The following LRRC75A variants were observed in gnomAD, a reference collection of about 807,000 sequenced individuals.
The protein encoded by LRRC75A is leucine-rich repeat-containing protein 75A.
Under a neutral mutation model 26.0 loss-of-function variants are expected in LRRC75A, and 12 were observed. The ratio of observed to expected loss-of-function variants is 0.46; its 90% CI spans 0.30 to 0.75. The LOEUF is 0.75. Among genes scored for constraint, LRRC75A ranks in the 30% least tolerant of loss-of-function variants. LRRC75A has a pLI of 0.08. For missense variants in LRRC75A, 410 were observed against 486.6 expected, an observed-to-expected ratio of 0.84 and a Z score of 1.48; for synonymous variants, 223 against 219.3, an observed-to-expected ratio of 1.02 and a Z score of -0.15.
intron 1 of LRRC75A, among the ~76,000 whole-genome samples, chr17:16,473,925 G>A (rs1199380913): frequency 6.6e-6 from 1 of 152,194 alleles, no homozygotes; most frequent in Admixed American, 6.5e-5. Context: ...TGTGTTGTTT[G>A]TGTTTTAACT....
At chr17:16,458,761 G>A (rs533072108) in intron 2 of LRRC75A, among the ~76,000 whole-genome samples, 4 of 152,086 alleles carry the variant, frequency 2.6e-5, no homozygotes, top group South Asian at 4.2e-4. Context: ...GTGAGCCACC[G>A]AGACTGGCAG....
At chr17:16,487,979 G>T (rs1452923796) in intron 1 of LRRC75A, among the ~76,000 whole-genome samples, 2 of 152,226 alleles carry the variant, frequency 1.3e-5, no homozygotes, top group African/African-American at 4.8e-5. Flanking sequence ...GAAGACAGGG[G>T]CTACCTCAGC....
chr17:16,453,023 G>A (rs1474754004), intron 2 of LRRC75A, among the ~76,000 whole-genome samples: 1 of 152,136 alleles, frequency 6.6e-6, no homozygotes, highest in Non-Finnish European at 1.5e-5. Context: ...GGGCGCGGTA[G>A]TTCACGCCTG....
rs376531285 is a variant in LRRC75A, at chr17:16,458,496, G to A, written c.375+3762C>T. On this transcript the variant is annotated intron_variant, in intron 2 of 3. Transcript: ENST00000470794. ...CTTTTTTTTTTTGAGACGGAGTTTC[G>A]CTCTTGTTGCCCAGGCTGGAGTGCA... Among the ~76,000 whole-genome samples, 66 of 150,318 alleles carry A rather than the reference G, an allele frequency of 4.4e-4. 1 individual carries two copies. The highest frequency in any genetic ancestry group is 4.1e-3 in the Admixed American group (62 of 15,072).
At chr17:16,481,989 G>A (rs2093835193) in intron 1 of LRRC75A, among the ~76,000 whole-genome samples, 1 of 152,154 alleles carries the variant, frequency 6.6e-6, no homozygotes. Flanking sequence ...GTACTGCCAG[G>A]TGCGCGGTGT....
In LRRC75A at chr17:16,448,698, T is replaced by G. The variant is rs144126988; in HGVS notation, c.376-738A>C. 7.2e-4 allele frequency among the ~76,000 whole-genome samples: 109 copies of G among 152,292 alleles called. 1 individual carries two copies. The highest frequency in any genetic ancestry group is 1.3e-3 in the Non-Finnish European group (86 of 68,022). ...AAAATGAGGTCAGAGGAGTAGGCCC[T>G]AATCCTGTATGACTGGTGTCCTAAG... On this transcript the variant is annotated intron_variant, in intron 2 of 3. Coordinates refer to ENST00000470794, the MANE Select transcript of LRRC75A (RefSeq NM_001113567.3).
chr17:16,452,272 T>C (rs2143015249), intron 2 of LRRC75A, among the ~76,000 whole-genome samples: 1 of 150,490 alleles, frequency 6.6e-6, no homozygotes, highest in Non-Finnish European at 1.5e-5. Flanking sequence ...TAGGAGGCTC[T>C]TGAGCCCCGA....
intron 1 of LRRC75A, among the ~76,000 whole-genome samples, chr17:16,479,568 G>T (rs532128923): frequency 6.6e-6 from 1 of 152,162 alleles, no homozygotes; most frequent in Non-Finnish European, 1.5e-5. Context: ...CTATGGGCTA[G>T]AAGCCACATT....
chr17:16,469,839 C>G (rs1415448427), intron 1 of LRRC75A, among the ~76,000 whole-genome samples: 2 of 152,340 alleles, frequency 1.3e-5, no homozygotes, highest in Admixed American at 6.5e-5. Flanking sequence ...CCGATGCAGA[C>G]AGAGGCATGG....
intron 1 of LRRC75A, among the ~76,000 whole-genome samples, chr17:16,464,437 C>A (rs1002876820): frequency 1.3e-5 from 2 of 152,212 alleles, no homozygotes; most frequent in Non-Finnish European, 2.9e-5. Flanking sequence ...CAATGCTAAG[C>A]CTCAGTTTCC....
chr17:16,450,663 T>G (rs1001126785), intron 2 of LRRC75A, among the ~76,000 whole-genome samples: 3 of 152,188 alleles, frequency 2.0e-5, no homozygotes, highest in Non-Finnish European at 2.9e-5. Context: ...CCTGGCCACA[T>G]GACTGTGTGG....
At chr17:16,465,681 T>C (rs573327716) in intron 1 of LRRC75A, among the ~76,000 whole-genome samples, 9 of 152,300 alleles carry the variant, frequency 5.9e-5, no homozygotes, top group African/African-American at 2.2e-4. Context: ...AAATCCCAGT[T>C]GCCAACCCAG....
At chr17:16,464,460 C>T (rs533916682) in intron 1 of LRRC75A, among the ~76,000 whole-genome samples, 15 of 152,306 alleles carry the variant, frequency 9.8e-5, no homozygotes, top group South Asian at 4.1e-4. Flanking sequence ...ATCTGTAAAA[C>T]GGGGACAGTG....
chr17:16,485,044 G>A (rs563850733), intron 1 of LRRC75A, among the ~76,000 whole-genome samples: 1 of 151,884 alleles, frequency 6.6e-6, no homozygotes, highest in Admixed American at 6.5e-5. Flanking sequence ...GTAGGGAGGA[G>A]AGCAGGCACC....
chr17:16,443,576 T>G lies in LRRC75A; in HGVS notation c.*12A>C. ...CAACAAGGACTCCCTGGTGAGGCCC[T>G]TCACTTCCATGTCACGTCTGAGCTG... On this transcript the variant is annotated 3_prime_UTR_variant, in exon 4 of 4. Coordinates refer to ENST00000470794, the MANE Select transcript of LRRC75A (RefSeq NM_001113567.3). 2 of 1,504,252 alleles carry G rather than the reference T, an allele frequency of 1.3e-6. No individual in the cohort carries two copies. The highest frequency in any genetic ancestry group is 1.8e-6 in the Non-Finnish European group (2 of 1,117,852). 93.2% of individuals were successfully genotyped at this position (1,504,252 alleles called of 1,614,324 possible). A position where few individuals can be genotyped will look rare whatever the true frequency, so the allele number is the denominator to read the frequency against.
intron 2 of LRRC75A, among the ~76,000 whole-genome samples, chr17:16,455,419 G>T (rs1429437067): frequency 1.3e-5 from 2 of 150,474 alleles, no homozygotes; most frequent in East Asian, 4.0e-4. Flanking sequence ...TTGCTCTGTC[G>T]CCCGGCTGGA....
chr17:16,452,374 C>A (rs992752462), intron 2 of LRRC75A, among the ~76,000 whole-genome samples: 5 of 150,956 alleles, frequency 3.3e-5, no homozygotes, highest in African/African-American at 1.2e-4. Flanking sequence ...CAAACAACAA[C>A]AAAATAACAC....
intron 1 of LRRC75A, among the ~76,000 whole-genome samples, chr17:16,466,825 A>G (rs2093773324): frequency 6.6e-6 from 1 of 152,188 alleles, no homozygotes; most frequent in African/African-American, 2.4e-5. Flanking sequence ...AAAAGTGAGT[A>G]GAGATTTACA....
chr17:16,464,974 G>A (rs1351481370), intron 1 of LRRC75A, among the ~76,000 whole-genome samples: 1 of 152,264 alleles, frequency 6.6e-6, no homozygotes, highest in Admixed American at 6.5e-5. Context: ...ACAGCTTGAG[G>A]CTCCCCTTCC....
Sources: gnomAD v4.1 joint callset for allele counts (sites outside exome capture counted in the v4.1 genomes callset) on GRCh38, gnomAD v4.1.1 for gene constraint, MANE v1.5 for transcripts, NCBI Gene and HGNC (gene_info 2026-07-23, HGNC 2026-07-21) for gene names.